The following PSME4 variants were observed in gnomAD, a reference collection of about 807,000 sequenced individuals.
The protein encoded by PSME4 is proteasome activator complex subunit 4.
PSME4 carries 89 observed loss-of-function variants against 253.9 expected under a neutral mutation model. The observed-to-expected ratio is 0.35, with a 90% CI of 0.30 to 0.42. PSME4 has a LOEUF of 0.42. Ranked by LOEUF, PSME4 falls within the 10% of genes least tolerant of loss-of-function variation. PSME4 has a pLI of 1.00. For synonymous variants in PSME4, 851 were observed against 759.2 expected, an observed-to-expected ratio of 1.12 and a Z score of -1.99; for missense variants, 2,014 against 2,195.2, an observed-to-expected ratio of 0.92 and a Z score of 1.65.
chr2:53,922,718 A>G (rs558434866), intron 16 of PSME4, 134 bp from the exon 17 acceptor site: 46 of 1,151,440 alleles, frequency 4.0e-5, no homozygotes, highest in Non-Finnish European at 5.4e-5. Context: ...TTTCTTCTTC[A>G]TGAAGCTGAG....
intron 2 of PSME4, 48 bp downstream of exon 2, chr2:53,949,095 C>T (rs1669855109): frequency 6.7e-7 from 1 of 1,501,248 alleles, no homozygotes; most frequent in Non-Finnish European, 8.9e-7. Flanking sequence ...CCCTAAAACC[C>T]TGAAGAAACA....
At position 53,970,532 on chromosome 2, in the gene PSME4, G is replaced by C. The variant is rs1419682037; in HGVS notation, c.242+11C>G. The C allele has an allele frequency of 1.3e-6, 2 of 1,547,680 alleles. No homozygotes were observed. Among genetic ancestry groups the C allele is most frequent in the African/African-American group, 1.4e-5 (1 of 72,898 alleles). On this transcript the variant is annotated intron_variant, in intron 1 of 46. Transcript: ENST00000404125. Reference sequence around the variant, plus strand: ...CCCCCCGGCCCGGCCCGCAGGCCCGGGCACACTTACGTGGAGAGTTTCCTG... The same window carrying C: ...CCCCCCGGCCCGGCCCGCAGGCCCGCGCACACTTACGTGGAGAGTTTCCTG...
chr2:53,892,253 G>C (rs1219568055), intron 36 of PSME4, among the ~76,000 whole-genome samples: 1 of 152,188 alleles, frequency 6.6e-6, no homozygotes, highest in Non-Finnish European at 1.5e-5. Context: ...AGGTGGTCCT[G>C]ACATTTGACC....
intron 41 of PSME4, among the ~76,000 whole-genome samples, chr2:53,877,530 T>A (rs1003884344): frequency 1.3e-5 from 2 of 152,180 alleles, no homozygotes; most frequent in African/African-American, 4.8e-5. Context: ...ATTCTGACAT[T>A]TGATAAATTA....
Position 53,890,176 on chromosome 2 carries a change from C to T in PSME4, c.4224G>A (p.Leu1408=), listed in dbSNP as rs1267620357. Residue 1408 remains leucine, a synonymous_variant, in exon 37 of 47, where the codon CTG becomes CTA. Transcript: ENST00000404125. ...TAATATTGGACAGTGCTGTTCTAAG[C>T]AGAGGGCACAGAAGCTCCCAAAGCT... ...VEKLWELLCP[L]LRTALSNITV... 1 of 1,613,802 alleles carries T rather than the reference C, an allele frequency of 6.2e-7. No homozygotes were observed. Among genetic ancestry groups the T allele is most frequent in the South Asian group, 1.1e-5 (1 of 91,038 alleles).
intron 36 of PSME4, among the ~76,000 whole-genome samples, chr2:53,890,450 G>A (rs568272419): frequency 4.9e-4 from 74 of 152,266 alleles, no homozygotes; most frequent in Non-Finnish European, 9.7e-4. Flanking sequence ...TGGACTATAG[G>A]TGTGTGCCAC....
intron 1 of PSME4, among the ~76,000 whole-genome samples, chr2:53,970,199 C>A (rs1436071988): frequency 6.6e-6 from 1 of 152,170 alleles, no homozygotes; most frequent in Admixed American, 6.5e-5. Context: ...CGCAAAAGTC[C>A]ACGGAGGACC....
At chr2:53,925,299 A>T (rs950351974) in intron 14 of PSME4, among the ~76,000 whole-genome samples, 3 of 152,236 alleles carry the variant, frequency 2.0e-5, no homozygotes, top group Non-Finnish European at 4.4e-5. Flanking sequence ...ATCAAATTTA[A>T]GTAACTGAAT....
chr2:53,943,735 A>T (rs923476166), intron 3 of PSME4, among the ~76,000 whole-genome samples: 3 of 151,246 alleles, frequency 2.0e-5, no homozygotes, highest in Non-Finnish European at 4.4e-5. Context: ...CCAGCTACTC[A>T]GGAGACTGAG....
In PSME4 at chr2:53,869,439, T is replaced by C; in HGVS notation, c.5200A>G (p.Thr1734Ala). ...CGCTTTCTTTTCTTAGGTAGTTTTG[T>C]TTTGCAAAGTTGCTCAAAATGAATC... ...MQIHFEQLCK[T>A]KLPKKRKRDP... The change falls in exon 44 of 47, where the codon ACA becomes GCA. Residue 1734 changes from threonine (T) to alanine (A), a missense_variant. Physicochemically the swap from Thr to Ala is moderately conservative, Grantham distance 58. Around this residue, in one of 4 missense-constraint regions of PSME4, gnomAD observed 403 missense variants for 556.1 expected, o/e 0.72. Transcript: ENST00000404125. 2 of 1,610,532 alleles carry C rather than the reference T, an allele frequency of 1.2e-6. No homozygotes were observed. Among genetic ancestry groups the C allele is most frequent in the Non-Finnish European group, 1.7e-6 (2 of 1,177,518 alleles).
chr2:53,936,230 C>A, intron 6 of PSME4, 69 bp from the exon 7 acceptor site: 3 of 1,586,908 alleles, frequency 1.9e-6, no homozygotes, highest in Non-Finnish European at 2.6e-6. Flanking sequence ...AGTCACACCC[C>A]TCCTCCATTT....
chr2:53,922,848 G>T (rs954307182), intron 16 of PSME4, among the ~76,000 whole-genome samples: 4 of 152,154 alleles, frequency 2.6e-5, no homozygotes, highest in Non-Finnish European at 5.9e-5. Context: ...CTGAATGGTG[G>T]TTGTATAAGA....
At chr2:53,892,170 GTCC>G (rs1679938381) in intron 36 of PSME4, among the ~76,000 whole-genome samples, 1 of 152,186 alleles carries the variant, frequency 6.6e-6, no homozygotes, top group South Asian at 2.1e-4. Context: ...AGTGTTTGCA[GTCC>G]TCCTAAAAGG....
intron 41 of PSME4, among the ~76,000 whole-genome samples, chr2:53,877,478 T>C (rs17045337): frequency 0.12 from 18,847 of 151,994 alleles, 1,253 homozygotes; most frequent in East Asian, 0.26. Context: ...ACTATCATAG[T>C]GAATTAATAC....
chr2:53,918,579 G>GATCC (rs1328310975), intron 20 of PSME4, among the ~76,000 whole-genome samples: 3 of 152,056 alleles, frequency 2.0e-5, no homozygotes, highest in Admixed American at 6.6e-5. Context: ...GCACTCAAAA[G>GATCC]ATCCGCCTGC....
chr2:53,922,966 CTGT>C lies in PSME4; in HGVS notation c.1978+80_1978+82del. The stretch of plus-strand genomic sequence containing the variant: ...CAAAATATTGTGAAGCTAAAGGAAT[CTGT>C]TGTCATTAACAGAGTTTTAGAAACC... On this transcript the variant is annotated intron_variant, in intron 16 of 46. Coordinates refer to ENST00000404125, the MANE Select transcript of PSME4 (RefSeq NM_014614.3). 4 of 1,097,300 alleles carry C rather than the reference CTGT, an allele frequency of 3.6e-6. No individual in the cohort carries two copies. The East Asian group carries it at 1.1e-4, about 29-fold the overall frequency. The allele number at this position is 1,097,300 out of a possible 1,614,324, so 68.0% of individuals were successfully genotyped here.
At chr2:53,932,791 A>C in intron 8 of PSME4, 31 bp from the exon 9 acceptor site, 1 of 1,536,934 alleles carries the variant, frequency 6.5e-7, no homozygotes, top group South Asian at 1.1e-5. Flanking sequence ...AAATGTCAGT[A>C]CCCACATCAT....
intron 3 of PSME4, among the ~76,000 whole-genome samples, chr2:53,942,661 G>A (rs1277758856): frequency 6.6e-6 from 1 of 152,006 alleles, no homozygotes; most frequent in Admixed American, 6.6e-5. Flanking sequence ...CAGGTATACG[G>A]CCCAGAATTA....
At chr2:53,934,471 TA>T in intron 8 of PSME4, 133 bp downstream of exon 8, 2 of 886,008 alleles carry the variant, frequency 2.3e-6, no homozygotes, top group Non-Finnish European at 3.4e-6. Flanking sequence ...ATGAGCTTGC[TA>T]AATCAGAAAA....
Sources: gnomAD v4.1 joint callset for allele counts (sites outside exome capture counted in the v4.1 genomes callset) on GRCh38, gnomAD v4.1.1 for gene constraint, gnomAD v4.1.1 regional missense constraint, MANE v1.5 for transcripts, NCBI Gene and HGNC (gene_info 2026-07-23, HGNC 2026-07-21) for gene names.